WWTR1: variants seen among roughly 807,000 people sequenced by gnomAD.
WWTR1 encodes WW domain-containing transcription regulator protein 1.
Under a neutral mutation model 40.1 loss-of-function variants are expected in WWTR1, and 13 were observed. The ratio of observed to expected loss-of-function variants is 0.32; its 90% CI spans 0.21 to 0.52. The LOEUF (loss-of-function observed/expected upper bound fraction) is 0.52. Ranked by LOEUF, WWTR1 falls within the 20% of genes least tolerant of loss-of-function variation. The pLI is 0.97. For synonymous variants in WWTR1, 230 were observed against 210.1 expected (o/e 1.09, Z -0.82); for missense variants, 436 against 523.1 (o/e 0.83, Z 1.63).
chr3:149,604,326 G>A (rs1468093451), intron 2 of WWTR1, among the ~76,000 whole-genome samples: 5 of 152,064 alleles, frequency 3.3e-5, no homozygotes, highest in Admixed American at 2.6e-4. Context: ...ACCACATCCC[G>A]GGAAGGAGCT....
intron 2 of WWTR1, among the ~76,000 whole-genome samples, chr3:149,645,512 T>G (rs1712467922): frequency 6.6e-6 from 1 of 152,244 alleles, no homozygotes; most frequent in African/African-American, 2.4e-5. Flanking sequence ...TTGGACTTTT[T>G]GGTAAGAGTA....
chr3:149,724,403 G>C (rs1165004205), intron 3 of WWTR1, among the ~76,000 whole-genome samples: 1 of 151,358 alleles, frequency 6.6e-6, no homozygotes, highest in South Asian at 2.1e-4. Context: ...GAATCAATGT[G>C]ATCCCCCCTA....
rs34414853 is a variant in WWTR1 at position 149,568,523 on chromosome 3, C to CA, written c.568+4340dup. 7.7e-3 allele frequency among the ~76,000 whole-genome samples: 496 copies of CA among 64,782 alleles called. 74 individuals are homozygous for CA. Among genetic ancestry groups the CA allele is most frequent in the Non-Finnish European group, 0.011 (348 of 31,602 alleles). The allele number at this position is 64,782 out of a possible 152,430, so 42.5% of individuals were successfully genotyped here. A position where few individuals can be genotyped will look rare whatever the true frequency, so the allele number is the denominator to read the frequency against. ...GGAGATGGCTATTTGAATTAAAGTGCAAAAAAAAAAAAAAAAAAAAAAAAA... is the reference window on the plus strand; with the variant it reads ...GGAGATGGCTATTTGAATTAAAGTGCAAAAAAAAAAAAAAAAAAAAAAAAAA... On this transcript the variant is annotated intron_variant, in intron 3 of 6. Transcript: ENST00000360632.
intron 2 of WWTR1, among the ~76,000 whole-genome samples, chr3:149,622,474 G>GAAAGAAAGAA (rs1560089577): frequency 3.7e-5 from 4 of 109,034 alleles, no homozygotes; most frequent in African/African-American, 1.4e-4. Flanking sequence ...AGGAAGGAAG[G>GAAAGAAAGAA]AAGGAAGGAA....
chr3:149,715,206 C>A (rs752405909), intron 5 of WWTR1, among the ~76,000 whole-genome samples: 2 of 152,216 alleles, frequency 1.3e-5, no homozygotes, highest in Admixed American at 6.5e-5. Flanking sequence ...CCCTTGTCCA[C>A]CATGTTGTGG....
chr3:149,657,900 C>T lies in WWTR1; in HGVS notation c.-139G>A, dbSNP rs1271400564. 6.5e-6 allele frequency: 1 copy of T among 153,174 alleles called. No homozygotes were observed. The highest frequency in any genetic ancestry group is 1.5e-5 in the Non-Finnish European group (1 of 68,884). The allele number at this position is 153,174 out of a possible 1,614,324, so 9.5% of individuals were successfully genotyped here. On this transcript the variant is annotated 5_prime_UTR_variant, in exon 1 of 7. Transcript: ENST00000360632. ...GAGGCTTGGCTGACAAATCCCGACC[C>T]GACTCTGTGCCTGGCAGTCTAAGGG...
intron 2 of WWTR1, among the ~76,000 whole-genome samples, chr3:149,592,167 G>A (rs1315353992): frequency 6.6e-6 from 1 of 152,120 alleles, no homozygotes; most frequent in African/African-American, 2.4e-5. Context: ...AACACTGAAT[G>A]TTATATTCCT....
At chr3:149,554,609 CA>C (rs1480659457) in intron 3 of WWTR1, among the ~76,000 whole-genome samples, 14 of 151,226 alleles carry the variant, frequency 9.3e-5, no homozygotes, top group African/African-American at 3.2e-4. Context: ...AGGATTCAGA[CA>C]TTAGTTCTCA....
At chr3:149,723,185 C>CTTTTTTTTTT (rs35573546) in intron 4 of WWTR1, among the ~76,000 whole-genome samples, 36 of 101,808 alleles carry the variant, frequency 3.5e-4, no homozygotes, top group Admixed American at 6.9e-4. Context: ...CTTTTCTTTT[C>CTTTTTTTTTT]TTTTTTTTTT....
At chr3:149,544,289 G>A (rs550850801) in intron 3 of WWTR1, among the ~76,000 whole-genome samples, 2 of 152,300 alleles carry the variant, frequency 1.3e-5, no homozygotes, top group South Asian at 4.1e-4. Context: ...ATTTCTTTGA[G>A]GAAGAATTCA....
intron 4 of WWTR1, chr3:149,540,079 TA>T (rs1736017275): frequency 3.8e-6 from 1 of 262,670 alleles, no homozygotes. Flanking sequence ...TCCTCCTAAC[TA>T]CACACACACA....
At position 149,635,462 on chromosome 3, in the gene WWTR1, T is replaced by C. The variant is rs747099076; in HGVS notation, c.431+21414A>G. 1.3e-5 allele frequency among the ~76,000 whole-genome samples: 2 copies of C among 150,936 alleles called. 1 individual carries two copies. Among genetic ancestry groups the C allele is most frequent in the Non-Finnish European group, 2.9e-5 (2 of 67,878 alleles). ...CATAGAACAAAATACTTTAAAGTGG[T>C]GGGTAAAAACGAAGTTAAGGTACAA... On this transcript the variant is annotated intron_variant, in intron 2 of 6. Transcript: ENST00000360632.
intron 2 of WWTR1, among the ~76,000 whole-genome samples, chr3:149,621,084 A>G (rs966825514): frequency 2.0e-5 from 3 of 152,222 alleles, no homozygotes; most frequent in African/African-American, 4.8e-5. Context: ...TAGGGTCCTG[A>G]AAATGTCACA....
chr3:149,542,250 T>C, intron 4 of WWTR1, 85 bp downstream of exon 4: 1 of 1,458,834 alleles, frequency 6.9e-7, no homozygotes, highest in Non-Finnish European at 9.3e-7. Flanking sequence ...TCTAGAAGAA[T>C]TACCCTGAAG....
chr3:149,711,278 C>A (rs969653007), intron 5 of WWTR1, among the ~76,000 whole-genome samples: 1 of 151,622 alleles, frequency 6.6e-6, no homozygotes, highest in Non-Finnish European at 1.5e-5. Flanking sequence ...CTCACCACAG[C>A]GAGATCTTGT....
intron 3 of WWTR1, among the ~76,000 whole-genome samples, chr3:149,550,618 C>T (rs1242493478): frequency 6.6e-6 from 1 of 151,958 alleles, no homozygotes; most frequent in Non-Finnish European, 1.5e-5. Context: ...GTTTAGGACA[C>T]GGAGCCAGAG....
chr3:149,706,165 T>A (rs1306163383), upstream of WWTR1, among the ~76,000 whole-genome samples: 2 of 151,734 alleles, frequency 1.3e-5, no homozygotes, highest in Non-Finnish European at 2.9e-5. Context: ...AATATACCAC[T>A]GCAGTCAAGC....
chr3:149,673,772 G>A (rs1023705590), intron 1 of WWTR1, among the ~76,000 whole-genome samples: 1 of 152,134 alleles, frequency 6.6e-6, no homozygotes. Context: ...TAACCAGAGA[G>A]GCCAGGGATG....
At chr3:149,605,220 A>G (rs968161050) in intron 2 of WWTR1, among the ~76,000 whole-genome samples, 2 of 152,230 alleles carry the variant, frequency 1.3e-5, no homozygotes, top group Admixed American at 6.5e-5. Flanking sequence ...AAGCACATGC[A>G]TAATTAAGAC....
Sources: allele counts gnomAD v4.1 joint callset (sites outside exome capture counted in the v4.1 genomes callset), GRCh38; gene constraint gnomAD v4.1.1; transcripts MANE v1.5; gene names NCBI Gene and HGNC (gene_info 2026-07-23, HGNC 2026-07-21).